The following GGT1 variants were observed in gnomAD, a reference collection of about 807,000 sequenced individuals.
GGT1 encodes gamma-glutamyltransferase 1, also known as glutathione hydrolase 1 proenzyme.
In GGT1, 21 loss-of-function variants were observed where a neutral mutation model predicts 56.0. The ratio of observed to expected loss-of-function variants is 0.38; its 90% CI spans 0.27 to 0.54. The LOEUF is 0.54. GGT1 is among the 20% of genes least tolerant of loss of function. The pLI, the probability that GGT1 is intolerant of heterozygous loss-of-function variation, is 0.82. For missense variants in GGT1, 466 were observed against 787.0 expected (o/e 0.59, Z 4.88); for synonymous variants, 238 against 342.6 (o/e 0.69, Z 3.37).
At chr22:24,588,116 G>A in the GGT1 span, 1 of 946,758 alleles carries the variant, frequency 1.1e-6, no homozygotes, top group South Asian at 1.5e-5. Context: ...TCACCAGGTG[G>A]GATTTCAGCA....
At chr22:24,627,335 G>A (rs538532150) in intron 11 of GGT1, 97 bp from the exon 12 acceptor site, 7 of 1,427,904 alleles carry the variant, frequency 4.9e-6, no homozygotes, top group African/African-American at 1.5e-5. Context: ...GTGCCAGAGG[G>A]TTGCGGTCAG....
intron 7 of GGT1, among the ~76,000 whole-genome samples, chr22:24,617,445 A>G (rs1456733663): frequency 6.6e-6 from 1 of 152,156 alleles, no homozygotes; most frequent in Admixed American, 6.5e-5. Flanking sequence ...TGTAAGGGGC[A>G]GGGAGCATGT....
chr22:24,611,016 G>T (rs1320968299), intron 4 of GGT1, 59 bp from the exon 5 acceptor site: 8 of 1,501,010 alleles, frequency 5.3e-6, no homozygotes, highest in Non-Finnish European at 7.3e-6. Flanking sequence ...CCCTGTTGGG[G>T]AGGGGCCAGG....
chr22:24,586,319 G>A, the GGT1 span: 2 of 1,614,004 alleles, frequency 1.2e-6, no homozygotes, highest in Non-Finnish European at 8.5e-7. Context: ...CAGGTAGCGT[G>A]TGATGTGTTG....
chr22:24,623,048 C>T (rs2047530645), intron 9 of GGT1, 59 bp from the exon 10 acceptor site: 1 of 1,608,668 alleles, frequency 6.2e-7, no homozygotes. Flanking sequence ...GCAGCTCCAT[C>T]CTCCACGCAG....
At chr22:24,600,010 G>A (rs1196810035), upstream of GGT1, among the ~76,000 whole-genome samples, 5 of 152,238 alleles carry the variant, frequency 3.3e-5, no homozygotes, top group African/African-American at 1.2e-4. Flanking sequence ...GGCATGGACA[G>A]TCTTCCTCCA....
At position 24,620,409 on chromosome 22, in the gene GGT1, G is replaced by T; in HGVS notation, c.464G>T (p.Arg155Leu). 2.5e-6 allele frequency: 4 copies of T among 1,611,272 alleles called. No individual in the cohort carries two copies. In the South Asian group the frequency reaches 4.4e-5, roughly 18 times the overall value. The change falls in exon 8 of 16, where the codon CGC becomes CTC. Residue 155 changes from arginine to leucine, a missense_variant. Arg to Leu is a moderately radical substitution (Grantham distance 102). Transcript: ENST00000400382. The surrounding 1 kb of genome is among the most constrained non-coding windows in gnomAD (Gnocchi z 5.6). Reference protein sequence around the residue: ...HQRHGRLPWARLFQPSIQLAR... With the variant: ...HQRHGRLPWALLFQPSIQLAR... ...CGGCATGGGCGGCTGCCCTGGGCTCGCCTCTTCCAGCCCAGCATCCAGCTG... is the reference window on the plus strand; with the variant it reads ...CGGCATGGGCGGCTGCCCTGGGCTCTCCTCTTCCAGCCCAGCATCCAGCTG...
chr22:24,595,454 G>A (rs1196000186), intron 1 of GGT1, among the ~76,000 whole-genome samples: 1 of 152,222 alleles, frequency 6.6e-6, no homozygotes, highest in Non-Finnish European at 1.5e-5. Flanking sequence ...GAGCAGCAGA[G>A]CTGTGTTTGT....
upstream of GGT1, chr22:24,592,406 T>C (rs2045596155): frequency 2.1e-6 from 1 of 470,548 alleles, no homozygotes; most frequent in Non-Finnish European, 4.4e-6. Context: ...CTCTCCAGGG[T>C]CCACTGTCTC....
chr22:24,611,132 G>C lies in GGT1; in HGVS notation c.51G>C (p.Leu17=). 6.2e-7 allele frequency: 1 copy of C among 1,600,866 alleles called. No individual in the cohort carries two copies. The change falls in exon 5 of 16, where the codon CTG becomes CTC. Residue 17 remains leucine (L), a synonymous_variant. Transcript: ENST00000400382. The part of the protein sequence containing the change: ...VLGLLAVVLV[L]VIVGLCLWLP... ...GCCTGCTGGCCGTGGTCCTGGTGCT[G>C]GTCATTGTCGGCCTCTGTCTCTGGC...
At chr22:24,614,652 A>G (rs1398368054) in intron 5 of GGT1, 124 bp from the exon 6 acceptor site, 2 of 872,458 alleles carry the variant, frequency 2.3e-6, no homozygotes, top group Non-Finnish European at 3.7e-6. Flanking sequence ...AACTAAAAAC[A>G]AAAACCCCAA....
At chr22:24,587,098 T>C in the GGT1 span, among the ~76,000 whole-genome samples, 1 of 152,322 alleles carries the variant, frequency 6.6e-6, no homozygotes, top group Middle Eastern at 3.4e-3. Context: ...ACTGAGATGC[T>C]CTGACTCTTG....
At chr22:24,601,970 C>T (rs1156811153), upstream of GGT1, among the ~76,000 whole-genome samples, 1 of 152,244 alleles carries the variant, frequency 6.6e-6, no homozygotes, top group African/African-American at 2.4e-5. Flanking sequence ...TGGACACCCA[C>T]CAGGGTCTTA....
At position 24,623,842 on chromosome 22, in the gene GGT1, A is replaced by C; in HGVS notation, c.946A>C (p.Ile316Leu). The change falls in exon 11 of 16, where the codon ATC becomes CTC. Residue 316 changes from isoleucine to leucine, a missense_variant. By Grantham distance (5) the Ile-to-Leu change is conservative. This residue lies in a region of GGT1 where 456 missense variants were observed against 716.7 expected (regional missense o/e 0.64). Transcript: ENST00000400382. ...GCAGAAGGGCCTGACGTACCACCGC[A>C]TCGTAGAGGCTTTCCGGTTTGCCTA... Reference protein sequence around the residue: ...PEQKGLTYHRIVEAFRFAYAK... With the variant: ...PEQKGLTYHRLVEAFRFAYAK... 6 of 1,611,916 alleles carry C rather than the reference A, an allele frequency of 3.7e-6. No homozygotes were observed. Among genetic ancestry groups the C allele is most frequent in the Non-Finnish European group, 5.1e-6 (6 of 1,179,840 alleles).
rs1319468765 is a variant in GGT1 at position 24,611,119 on chromosome 22, T to C, written c.38T>C (p.Val13Ala). ...KKLVVLGLLAVVLVLVIVGLC... is the reference protein window; with the variant it reads ...KKLVVLGLLAAVLVLVIVGLC... ...TTAGTGGTGCTGGGCCTGCTGGCCG[T>C]GGTCCTGGTGCTGGTCATTGTCGGC... Residue 13 changes from valine (V) to alanine (A), a missense_variant, in exon 5 of 16, where the codon GTG (valine) becomes GCG (alanine). Val to Ala is a moderately conservative substitution (Grantham distance 64). Transcript: ENST00000400382. 2 of 1,602,230 alleles carry C rather than the reference T, an allele frequency of 1.2e-6. No individual in the cohort carries two copies. The highest frequency in any genetic ancestry group is 1.7e-6 in the Non-Finnish European group (2 of 1,174,270).
chr22:24,603,144 A>T (rs1231977771), upstream of GGT1: 2 of 134,998 alleles, frequency 1.5e-5, no homozygotes. Context: ...CCCCCAGGCC[A>T]CTAGGGGAGG....
chr22:24,591,601 A>G (rs2147171733), upstream of GGT1, among the ~76,000 whole-genome samples: 1 of 152,268 alleles, frequency 6.6e-6, no homozygotes, highest in Middle Eastern at 3.4e-3. Context: ...TCAAATCCCA[A>G]CCTCTGAGAC....
intron 1 of GGT1, among the ~76,000 whole-genome samples, chr22:24,597,657 G>T (rs1569043055): frequency 8.4e-6 from 1 of 118,528 alleles, no homozygotes; most frequent in Non-Finnish European, 1.7e-5. Context: ...TTCCAGCCTG[G>T]GTGACAGAGT....
intron 1 of GGT1, among the ~76,000 whole-genome samples, chr22:24,603,760 G>C (rs2045850659): frequency 6.6e-6 from 1 of 151,952 alleles, no homozygotes; most frequent in Non-Finnish European, 1.5e-5. Flanking sequence ...GCCCTGAGTG[G>C]GGGCGGGGGG....
Sources: gnomAD v4.1 joint callset for allele counts (sites outside exome capture counted in the v4.1 genomes callset) on GRCh38, gnomAD v4.1.1 for gene constraint, gnomAD v4.1.1 regional missense constraint, Gnocchi (gnomAD v3.1) non-coding constraint, MANE v1.5 for transcripts, NCBI Gene and HGNC (gene_info 2026-07-23, HGNC 2026-07-21) for gene names.